The following CDIN1 variants were observed in gnomAD, a reference collection of about 807,000 sequenced individuals.
The protein encoded by CDIN1 is CDAN1-interacting nuclease 1.
In CDIN1, 33 loss-of-function variants were observed where a neutral mutation model predicts 45.3. The ratio of observed to expected loss-of-function variants is 0.73; its 90% confidence interval spans 0.55 to 0.97. CDIN1 has a LOEUF of 0.97. Among genes scored for constraint, CDIN1 ranks in the 50% least tolerant of loss-of-function variants. The pLI, the probability that CDIN1 is intolerant of heterozygous loss-of-function variation, is 0.00. For synonymous variants in CDIN1, 118 were observed against 124.4 expected (o/e 0.95, Z 0.34); for missense variants, 303 against 339.4 (o/e 0.89, Z 0.84).
intron 5 of CDIN1, 92 bp downstream of exon 5, chr15:36,657,997 C>G: frequency 9.2e-7 from 1 of 1,087,986 alleles, no homozygotes; most frequent in Non-Finnish European, 1.3e-6. Context: ...TTAATGAGAG[C>G]CAGATTCCAA....
intron 10 of CDIN1, among the ~76,000 whole-genome samples, chr15:36,737,366 G>A (rs1042219043): frequency 6.6e-5 from 10 of 152,064 alleles, no homozygotes; most frequent in African/African-American, 2.4e-4. Context: ...GTTATGTTAG[G>A]AGCATTTGGA....
intron 1 of CDIN1, among the ~76,000 whole-genome samples, chr15:36,626,283 C>G (rs1310968164): frequency 6.7e-6 from 1 of 149,266 alleles, no homozygotes; most frequent in Non-Finnish European, 1.5e-5. Flanking sequence ...TCTTAAAATT[C>G]AAAGTAAGGA....
chr15:36,612,166 A>G (rs1277932084), intron 1 of CDIN1, among the ~76,000 whole-genome samples: 2 of 152,154 alleles, frequency 1.3e-5, no homozygotes, highest in Non-Finnish European at 2.9e-5. Context: ...AGTTCTGGCT[A>G]TTGCAGAGTA....
chr15:36,658,038 A>G, intron 5 of CDIN1, 133 bp downstream of exon 5: 1 of 681,836 alleles, frequency 1.5e-6, no homozygotes, highest in Non-Finnish European at 2.5e-6. Context: ...AATGACAATT[A>G]AATGCAATAT....
chr15:36,794,578 AG>A (rs776772957), intron 10 of CDIN1, among the ~76,000 whole-genome samples: 30 of 152,154 alleles, frequency 2.0e-4, no homozygotes, highest in Admixed American at 1.3e-3. Flanking sequence ...TATTCCATTT[AG>A]CATAATTTAT....
chr15:36,778,645 G>C (rs748375827), intron 10 of CDIN1, among the ~76,000 whole-genome samples: 1 of 152,126 alleles, frequency 6.6e-6, no homozygotes, highest in Non-Finnish European at 1.5e-5. Flanking sequence ...ATGCAATTTT[G>C]TAGTTGTTTG....
intron 10 of CDIN1, among the ~76,000 whole-genome samples, chr15:36,764,404 GTA>G (rs1338590232): frequency 6.6e-6 from 1 of 152,070 alleles, no homozygotes; most frequent in African/African-American, 2.4e-5. Context: ...AAGGTAGTTT[GTA>G]CATATGCATT....
At chr15:36,604,418 TACACACACACAC>T (rs144533313) in intron 1 of CDIN1, among the ~76,000 whole-genome samples, 22 of 128,804 alleles carry the variant, frequency 1.7e-4, no homozygotes, top group Non-Finnish European at 3.2e-4. Context: ...TTTTAAAAGG[TACACACACACAC>T]ACACACACAC....
chr15:36,637,000 T>C (rs2039925894), intron 1 of CDIN1, among the ~76,000 whole-genome samples: 1 of 152,200 alleles, frequency 6.6e-6, no homozygotes, highest in Non-Finnish European at 1.5e-5. Context: ...TTTAGTGAGA[T>C]GATAGATTTA....
intron 10 of CDIN1, 38 bp from the exon 11 acceptor site, chr15:36,808,286 A>G: frequency 6.2e-7 from 1 of 1,609,980 alleles, no homozygotes; most frequent in Non-Finnish European, 8.5e-7. Context: ...AGCTCTGTTG[A>G]TACCATGTGT....
intron 1 of CDIN1, chr15:36,618,886 A>C (rs2039022166): frequency 8.8e-7 from 1 of 1,137,828 alleles, no homozygotes; most frequent in Non-Finnish European, 1.3e-6. Context: ...GTACTGCCTC[A>C]CCATGTAATC....
chr15:36,612,824 C>G (rs1250199788), intron 1 of CDIN1, among the ~76,000 whole-genome samples: 1 of 152,164 alleles, frequency 6.6e-6, no homozygotes, highest in African/African-American at 2.4e-5. Flanking sequence ...TCACAGTGCT[C>G]TTTTCAGGCA....
Position 36,774,163 on chromosome 15 carries a change from T to TGTGTGCGC in CDIN1, c.717-34160_717-34159insTGTGCGCG, listed in dbSNP as rs149222188. ...GTGTGTGTGTGTGTGTGTGTGTGTGTGCGCGCGCGCGCATGCATGAGGGGA... is the reference window on the plus strand; with the variant it reads ...GTGTGTGTGTGTGTGTGTGTGTGTGTGTGTGCGCGCGCGCGCGCGCATGCATGAGGGGA... On this transcript the variant is annotated intron_variant, in intron 10 of 10. Transcript: ENST00000566621. 9.8e-4 allele frequency among the ~76,000 whole-genome samples: 141 copies of TGTGTGCGC among 143,148 alleles called. 1 individual carries two copies. Among genetic ancestry groups the TGTGTGCGC allele is most frequent in the Admixed American group, 2.3e-3 (33 of 14,566 alleles). The allele number at this position is 143,148 out of a possible 152,430, so 93.9% of individuals were successfully genotyped here.
intron 10 of CDIN1, among the ~76,000 whole-genome samples, chr15:36,715,630 T>C (rs898278593): frequency 1.3e-5 from 2 of 152,210 alleles, no homozygotes; most frequent in Non-Finnish European, 2.9e-5. Context: ...ACTGCTGCCG[T>C]ATACTATCAA....
chr15:36,704,110 C>G (rs1052067506), intron 8 of CDIN1, among the ~76,000 whole-genome samples: 2 of 152,144 alleles, frequency 1.3e-5, no homozygotes, highest in Non-Finnish European at 2.9e-5. Flanking sequence ...TTTCTTTGCT[C>G]ATATTCGTGT....
In CDIN1 at chr15:36,706,819, T is replaced by C. The variant is rs140365597; in HGVS notation, c.545-2404T>C. 17 of 152,282 alleles carry C rather than the reference T, an allele frequency of 1.1e-4. No individual in the cohort carries two copies. In the East Asian group the frequency reaches 2.9e-3, roughly 26 times the overall value. The allele number at this position is 152,282 out of a possible 1,614,324, so 9.4% of individuals were successfully genotyped here. On this transcript the variant is annotated intron_variant, in intron 8 of 10. Coordinates refer to ENST00000566621, the MANE Select transcript of CDIN1 (RefSeq NM_001321759.2). ...GCCTAGTTGGTGCCTTTGTGCCTTG[T>C]TGATAATTAGGGAATTAAATTAAGA...
chr15:36,707,154 A>G (rs775256322), intron 8 of CDIN1: 4 of 152,152 alleles, frequency 2.6e-5, no homozygotes, highest in Non-Finnish European at 5.9e-5. Flanking sequence ...AATACACAGC[A>G]TTTTACATGT....
intron 10 of CDIN1, among the ~76,000 whole-genome samples, chr15:36,766,716 T>G (rs1271966168): frequency 6.6e-6 from 1 of 152,248 alleles, no homozygotes. Flanking sequence ...TTTGTATGTC[T>G]TCTTTGGAAA....
chr15:36,776,239 G>GATATGTCAGGGACATCTGTGTCCTCCT lies in CDIN1; in HGVS notation c.717-32083_717-32057dup, dbSNP rs1365536525. On this transcript the variant is annotated intron_variant, in intron 10 of 10. Coordinates refer to ENST00000566621, the MANE Select transcript of CDIN1 (RefSeq NM_001321759.2). ...GGGCAGTCTTACCTCACAGATTTAG[G>GATATGTCAGGGACATCTGTGTCCTCCT]ATATGTCAGGGACATCTGTGTCCTC... Among the ~76,000 whole-genome samples the GATATGTCAGGGACATCTGTGTCCTCCT allele has an allele frequency of 3.9e-5, 6 of 152,282 alleles. No homozygotes were observed. The East Asian group carries it at 1.2e-3, about 29-fold the overall frequency.
Sources: allele counts gnomAD v4.1 joint callset (sites outside exome capture counted in the v4.1 genomes callset), GRCh38; gene constraint gnomAD v4.1.1; transcripts MANE v1.5; gene names NCBI Gene and HGNC (gene_info 2026-07-23, HGNC 2026-07-21).